Variants in ZNF846 observed in about 807,000 individuals in gnomAD.
ZNF846 encodes the protein zinc finger protein 420 pseudogene.
A neutral mutation model predicts 16.0 loss-of-function variants in ZNF846; 15 were observed. The observed-to-expected ratio is 0.94, with a 90% CI of 0.63 to 1.45. ZNF846 has a LOEUF of 1.45. ZNF846 is among the 40% of genes most tolerant of loss of function. The pLI is 0.00. For synonymous variants in ZNF846, 229 were observed against 212.0 expected (o/e 1.08, Z -0.70); for missense variants, 714 against 622.3 (o/e 1.15, Z -1.57).
upstream of ZNF846, among the ~76,000 whole-genome samples, chr19:9,771,000 G>C (rs2045385386): frequency 6.6e-6 from 1 of 152,072 alleles, no homozygotes; most frequent in Non-Finnish European, 1.5e-5. Context: ...TGGGAAACAG[G>C]TGGTTTTGGG....
chr19:9,773,202 A>T (rs1023482882), upstream of ZNF846, among the ~76,000 whole-genome samples: 3 of 152,182 alleles, frequency 2.0e-5, no homozygotes. Context: ...TGTTATTATT[A>T]TTGTTGTTTG....
At chr19:9,768,964 C>A (rs941282846), upstream of ZNF846, among the ~76,000 whole-genome samples, 1 of 152,192 alleles carries the variant, frequency 6.6e-6, no homozygotes, top group Non-Finnish European at 1.5e-5. Flanking sequence ...AAACCCAGCG[C>A]CAAGGGCCGG....
At chr19:9,781,121 T>C (rs991885458) in intron 1 of ZNF846, among the ~76,000 whole-genome samples, 1 of 152,142 alleles carries the variant, frequency 6.6e-6, no homozygotes, top group Non-Finnish European at 1.5e-5. Flanking sequence ...GGAGAAAATA[T>C]CCTGTTAGGT....
At chr19:9,781,597 G>T (rs1397083827) in intron 1 of ZNF846, among the ~76,000 whole-genome samples, 1 of 152,030 alleles carries the variant, frequency 6.6e-6, no homozygotes, top group Non-Finnish European at 1.5e-5. Context: ...CCTGCTTGTG[G>T]AAGTTAGGCA....
At chr19:9,785,227 G>A (rs2045545744) in intron 1 of ZNF846, among the ~76,000 whole-genome samples, 1 of 128,102 alleles carries the variant, frequency 7.8e-6, no homozygotes, top group Admixed American at 9.2e-5. Context: ...TTTTTGAGAC[G>A]GAGTCTCGCT....
chr19:9,769,696 C>T (rs1350500245), upstream of ZNF846, among the ~76,000 whole-genome samples: 8 of 151,572 alleles, frequency 5.3e-5, no homozygotes, highest in Non-Finnish European at 1.2e-4. Context: ...CCTGATGGGG[C>T]TGGGGGCAGT....
upstream of ZNF846, among the ~76,000 whole-genome samples, chr19:9,769,200 TC>T: frequency 6.6e-6 from 1 of 152,138 alleles, no homozygotes; most frequent in Non-Finnish European, 1.5e-5. Flanking sequence ...TCCTCCCGCC[TC>T]GGCCTCCGGA....
At chr19:9,753,885 T>G (rs2045108156), downstream of ZNF846, among the ~76,000 whole-genome samples, 1 of 151,656 alleles carries the variant, frequency 6.6e-6, no homozygotes, top group Non-Finnish European at 1.5e-5. Context: ...TCTTCTGTTG[T>G]GGGGTGGGTT....
exon 6 of ZNF846, chr19:9,757,880 A>C (rs2045157730): frequency 2.5e-6 from 4 of 1,613,336 alleles, no homozygotes; most frequent in Non-Finnish European, 2.5e-6. Context: ...AGGCTTTCCC[A>C]CATTCTTTAC....
downstream of ZNF846, chr19:9,751,843 ACCAATGATAATC>A (rs955698300): frequency 2.0e-5 from 3 of 152,402 alleles, no homozygotes; most frequent in African/African-American, 7.2e-5. Flanking sequence ...AACCTATAAG[ACCAATGATAATC>A]CCACCATCTT....
chr19:9,756,341 GTGTGTATATATA>G (rs1385943521), downstream of ZNF846: 61 of 64,714 alleles, frequency 9.4e-4, no homozygotes, highest in Admixed American at 2.3e-3. Context: ...GTGTGTGTGT[GTGTGTATATATA>G]TATATATATA....
intron 3 of ZNF846, 30 bp downstream of exon 3, chr19:9,763,252 G>A: frequency 6.6e-7 from 1 of 1,521,970 alleles, no homozygotes; most frequent in Non-Finnish European, 8.8e-7. Context: ...TTTCCTAAAG[G>A]GGTCAGTGAA....
At chr19:9,755,799 CAAAAAAAAAAAAAAAAAA>C (rs538572391), downstream of ZNF846, among the ~76,000 whole-genome samples, 2 of 24,696 alleles carry the variant, frequency 8.1e-5, no homozygotes, top group Admixed American at 6.6e-4. Context: ...GACTCCGTCT[CAAAAAAAAAAAAAAAAAA>C]AAAAAAAAAA....
At chr19:9,770,039 C>T (rs898290126), upstream of ZNF846, among the ~76,000 whole-genome samples, 32 of 150,030 alleles carry the variant, frequency 2.1e-4, no homozygotes, top group Non-Finnish European at 7.4e-5. Flanking sequence ...GCCTCTGATA[C>T]ATTCAGTTCC....
At chr19:9,767,667 T>G (rs1014605680) in intron 1 of ZNF846, among the ~76,000 whole-genome samples, 45 of 152,186 alleles carry the variant, frequency 3.0e-4, no homozygotes, top group African/African-American at 1.0e-3. Context: ...CCAGGCGCGG[T>G]GGCTTATACC....
chr19:9,767,730 T>C (rs1353358097), intron 1 of ZNF846, among the ~76,000 whole-genome samples: 1 of 151,784 alleles, frequency 6.6e-6, no homozygotes, highest in Non-Finnish European at 1.5e-5. Flanking sequence ...AGGTCAGGAG[T>C]TCGAGACCAG....
intron 1 of ZNF846, among the ~76,000 whole-genome samples, chr19:9,775,795 A>T (rs1414289540): frequency 6.6e-6 from 1 of 152,222 alleles, no homozygotes; most frequent in Non-Finnish European, 1.5e-5. Flanking sequence ...TGCTGAAGCA[A>T]GAGACCGAGG....
chr19:9,759,955 G>A lies in ZNF846; in HGVS notation c.230-13C>T. ...TGCAAATCCAATTCTGAAATAAAGT[G>A]AAAAATGCAGCTTGGGAGAAAAATT... On this transcript the variant is annotated splice_polypyrimidine_tract_variant and intron_variant, in intron 4 of 5. Transcript: ENST00000397902. 1 of 1,605,190 alleles carries A rather than the reference G, an allele frequency of 6.2e-7. No homozygotes were observed. Among genetic ancestry groups the A allele is most frequent in the South Asian group, 1.1e-5 (1 of 90,682 alleles).
intron 4 of ZNF846, among the ~76,000 whole-genome samples, chr19:9,761,836 C>T (rs182642002): frequency 2.0e-5 from 3 of 152,144 alleles, no homozygotes; most frequent in East Asian, 3.9e-4. Flanking sequence ...AAAGGACCTA[C>T]ATGCATAAGA....
Sources: allele counts gnomAD v4.1 joint callset (sites outside exome capture counted in the v4.1 genomes callset), GRCh38; gene constraint gnomAD v4.1.1; transcripts MANE v1.5; gene names NCBI Gene and HGNC (gene_info 2026-07-23, HGNC 2026-07-21).